The following FSCN2 variants were observed in gnomAD, a reference collection of about 807,000 sequenced individuals.
FSCN2 encodes fascin actin-bundling protein 2, retinal.
FSCN2 carries 46 observed loss-of-function variants against 37.8 expected under a neutral mutation model. The ratio of observed to expected loss-of-function variants is 1.22; its 90% CI spans 0.96 to 1.56. The LOEUF is 1.56. Ranked by LOEUF, FSCN2 falls within the 40% of genes most tolerant of loss-of-function variation. The pLI is 0.00. For missense variants in FSCN2, 844 were observed against 730.4 expected, an observed-to-expected ratio of 1.16 and a Z score of -1.79; for synonymous variants, 351 against 309.4, an observed-to-expected ratio of 1.13 and a Z score of -1.41.
the FSCN2 span, among the ~76,000 whole-genome samples, chr17:81,517,741 C>CA: frequency 6.7e-6 from 1 of 150,360 alleles, no homozygotes. Flanking sequence ...TTGTGGACCC[C>CA]ACCCCAGGAG....
Position 81,528,734 on chromosome 17 carries a change from A to G in FSCN2, c.203A>G (p.Tyr68Cys). 1.3e-6 allele frequency: 2 copies of G among 1,593,992 alleles called. No homozygotes were observed. Among genetic ancestry groups the G allele is most frequent in the Non-Finnish European group, 1.7e-6 (2 of 1,171,480 alleles). The change falls in exon 1 of 5, where the codon TAC becomes TGC. Residue 68 changes from tyrosine (Y) to cysteine (C), a missense_variant. Physicochemically the swap from Tyr to Cys is radical, Grantham distance 194. Transcript: ENST00000417245. ...VLLRSSHLGRYLSAEEDGRVA... is the reference protein window; with the variant it reads ...VLLRSSHLGRCLSAEEDGRVA... ...CTCCGCAGCAGCCACCTGGGCCGCTACCTGTCGGCAGAAGAGGACGGGCGC... is the reference window on the plus strand; with the variant it reads ...CTCCGCAGCAGCCACCTGGGCCGCTGCCTGTCGGCAGAAGAGGACGGGCGC...
intron 2 of FSCN2, among the ~76,000 whole-genome samples, chr17:81,535,539 ACCATCC>A (rs2032833922): frequency 9.9e-6 from 1 of 100,846 alleles, no homozygotes; most frequent in Non-Finnish European, 2.0e-5. Flanking sequence ...CACCATCATC[ACCATCC>A]CCATCTCCAT....
the FSCN2 span, among the ~76,000 whole-genome samples, chr17:81,522,541 C>T: frequency 6.6e-6 from 1 of 152,222 alleles, no homozygotes; most frequent in African/African-American, 2.4e-5. Context: ...CCTTTCCTTT[C>T]CCCAGCACGG....
In FSCN2 at chr17:81,536,920, G is replaced by A; in HGVS notation, c.1319G>A (p.Cys440Tyr). Residue 440 changes from cysteine to tyrosine, a missense_variant, in exon 5 of 5, where the codon TGC becomes TAC. Transcript: ENST00000417245. Reference sequence around the variant, plus strand: ...TACACGGGCAGCCACGGCAGCGTGTGCAGCGACGGCGAACGCGCCGAGGAC... The same window carrying A: ...TACACGGGCAGCCACGGCAGCGTGTACAGCGACGGCGAACGCGCCGAGGAC... Reference protein sequence around the residue: ...FWYTGSHGSVCSDGERAEDFV... With the variant: ...FWYTGSHGSVYSDGERAEDFV... 1 of 1,574,864 alleles carries A rather than the reference G, an allele frequency of 6.3e-7. No individual in the cohort carries two copies. The highest frequency in any genetic ancestry group is 1.8e-5 in the Admixed American group (1 of 56,682).
At chr17:81,526,410 C>T (rs1555670110), upstream of FSCN2, among the ~76,000 whole-genome samples, 4 of 152,232 alleles carry the variant, frequency 2.6e-5, no homozygotes, top group African/African-American at 9.6e-5. Context: ...GCGGGCAGAT[C>T]ACTTGAGGTC....
intron 1 of FSCN2, among the ~76,000 whole-genome samples, chr17:81,534,108 G>A (rs146637251): frequency 1.8e-4 from 27 of 152,340 alleles, no homozygotes; most frequent in African/African-American, 5.8e-4. Flanking sequence ...GCTCCTCTGC[G>A]TCTGATCAGT....
At chr17:81,531,471 GTGGTGGTGA>G (rs2032590913) in intron 1 of FSCN2, among the ~76,000 whole-genome samples, 2 of 68,424 alleles carry the variant, frequency 2.9e-5, no homozygotes, top group African/African-American at 1.3e-4. Context: ...GATGATGGTG[GTGGTGGTGA>G]TGGTGATGAT....
upstream of FSCN2, among the ~76,000 whole-genome samples, chr17:81,526,813 T>C (rs1276619634): frequency 6.6e-6 from 1 of 152,204 alleles, no homozygotes; most frequent in Non-Finnish European, 1.5e-5. Context: ...AGACTGCGTC[T>C]CCCCAGGATG....
the FSCN2 span, among the ~76,000 whole-genome samples, chr17:81,522,971 C>T: frequency 6.6e-6 from 1 of 152,226 alleles, no homozygotes; most frequent in African/African-American, 2.4e-5. Context: ...CAGACACCTT[C>T]GCTTCTGCCC....
At chr17:81,524,910 CACACACACA>C (rs1555669879), upstream of FSCN2, among the ~76,000 whole-genome samples, 29 of 149,064 alleles carry the variant, frequency 1.9e-4, no homozygotes, top group East Asian at 9.7e-4. Context: ...CACACACACA[CACACACACA>C]CCACACTCAC....
At chr17:81,532,311 G>A (rs1298543781) in intron 1 of FSCN2, among the ~76,000 whole-genome samples, 2 of 121,602 alleles carry the variant, frequency 1.6e-5, no homozygotes, top group African/African-American at 7.5e-5. Context: ...GATAGTGATG[G>A]CGATGATGGT....
chr17:81,536,494 C>T (rs775341876), intron 3 of FSCN2, 128 bp from the exon 4 acceptor site: 35 of 1,534,412 alleles, frequency 2.3e-5, no homozygotes, highest in South Asian at 1.4e-4. Flanking sequence ...TTGCCAAGGC[C>T]GCACATGAGG....
rs1053713980 is a variant in FSCN2 at position 81,536,962 on chromosome 17, G to C, written c.1361G>C (p.Arg454Pro). The stretch of plus-strand genomic sequence containing the variant: ...GCCGAGGACTTCGTCTTCGAGTTCC[G>C]TGAGCGCGGCCGCCTGGCCATCCGC... ...ERAEDFVFEF[R>P]ERGRLAIRAR... Residue 454 changes from arginine to proline, a missense_variant, in exon 5 of 5, where the codon CGT (arginine) becomes CCT (proline). Arg to Pro is a moderately radical substitution (Grantham distance 103). Transcript: ENST00000417245. The C allele has an allele frequency of 1.3e-6, 2 of 1,553,360 alleles. No individual in the cohort carries two copies. The highest frequency in any genetic ancestry group is 1.9e-5 in the Admixed American group (1 of 53,174).
At chr17:81,522,783 G>A in the FSCN2 span, among the ~76,000 whole-genome samples, 2 of 152,328 alleles carry the variant, frequency 1.3e-5, no homozygotes, top group South Asian at 2.1e-4. Context: ...CAGCTGGGCT[G>A]TAGACAGCCA....
the FSCN2 span, among the ~76,000 whole-genome samples, chr17:81,520,558 T>A: frequency 6.6e-6 from 1 of 152,268 alleles, no homozygotes; most frequent in Non-Finnish European, 1.5e-5. Flanking sequence ...TGAGTTTGCG[T>A]ATCGGCAAGT....
At chr17:81,529,863 G>A (rs868925443) in intron 1 of FSCN2, among the ~76,000 whole-genome samples, 20 of 152,234 alleles carry the variant, frequency 1.3e-4, no homozygotes, top group African/African-American at 3.9e-4. Context: ...AGGCTGGAGC[G>A]CAGTGGCGTG....
rs782322912 is a variant in FSCN2 at position 81,528,639 on chromosome 17, G to T, written c.108G>T (p.Ser36=). The change falls in exon 1 of 5, where the codon TCG becomes TCT. Residue 36 remains serine, a synonymous_variant. Coordinates refer to ENST00000417245, the MANE Select transcript of FSCN2 (RefSeq NM_012418.4). ...GCTTCGGCTTCAAGGTCAATGCCTCGGCACCCAGCCTCAAGAGGAAGCAGA... is the reference window on the plus strand; with the variant it reads ...GCTTCGGCTTCAAGGTCAATGCCTCTGCACCCAGCCTCAAGAGGAAGCAGA... ...AESFGFKVNA[S]APSLKRKQTW... 6.2e-7 allele frequency: 1 copy of T among 1,604,164 alleles called. No homozygotes were observed. The highest frequency in any genetic ancestry group is 8.5e-7 in the Non-Finnish European group (1 of 1,176,076).
At position 81,529,446 on chromosome 17, in the gene FSCN2, T is replaced by C; in HGVS notation, c.826+89T>C. On this transcript the variant is annotated intron_variant, in intron 1 of 4. Transcript: ENST00000417245. ...GCCGTGGGGGTCTCACGGGGAGTGG[T>C]ATCGTGTCTGTGCGTTCACATGTCT... 5 of 1,027,780 alleles carry C rather than the reference T, an allele frequency of 4.9e-6. 1 individual carries two copies. The South Asian group carries it at 7.0e-5, about 14-fold the overall frequency. 63.7% of individuals were successfully genotyped at this position (1,027,780 alleles called of 1,614,324 possible). A position where few individuals can be genotyped will look rare whatever the true frequency, so the allele number is the denominator to read the frequency against.
At chr17:81,520,557 G>A in the FSCN2 span, among the ~76,000 whole-genome samples, 1 of 152,260 alleles carries the variant, frequency 6.6e-6, no homozygotes, top group Non-Finnish European at 1.5e-5. Context: ...TTGAGTTTGC[G>A]TATCGGCAAG....
Sources: gnomAD v4.1 joint callset for allele counts (sites outside exome capture counted in the v4.1 genomes callset) on GRCh38, gnomAD v4.1.1 for gene constraint, MANE v1.5 for transcripts, NCBI Gene and HGNC (gene_info 2026-07-23, HGNC 2026-07-21) for gene names.